Variants in ERI2 observed in about 807,000 individuals in gnomAD.
ERI2 encodes ERI1 exoribonuclease family member 2.
ERI2 carries 35 observed loss-of-function variants against 46.8 expected under a neutral mutation model. The observed-to-expected ratio is 0.75, with a 90% CI of 0.57 to 0.99. The LOEUF (loss-of-function observed/expected upper bound fraction) is 0.99, where lower values mean the gene tolerates loss of function less well. ERI2 is among the 50% of genes least tolerant of loss of function. The pLI is 0.00. For missense variants in ERI2, 695 were observed against 796.2 expected (o/e 0.87, Z 1.53); for synonymous variants, 224 against 271.0 (o/e 0.83, Z 1.70).
In ERI2 at chr16:20,798,620, C is replaced by T. The variant is rs1406584428; in HGVS notation, c.1180G>A (p.Glu394Lys). ...AAACAGTCCAGAGTAGAGCTCATTT[C>T]CAAATCAGAAACATGATGAACAGTT... Reference protein sequence around the residue: ...VPTVHHVSDLEMSSTLDCLPV... With the variant: ...VPTVHHVSDLKMSSTLDCLPV... The change falls in exon 9 of 9, where the codon GAA becomes AAA. Residue 394 changes from glutamate to lysine, a missense_variant. Glu to Lys is a moderately conservative substitution (Grantham distance 56, BLOSUM62 1). Transcript: ENST00000357967. 1 of 1,551,512 alleles carries T rather than the reference C, an allele frequency of 6.4e-7. No homozygotes were observed. The highest frequency in any genetic ancestry group is 8.7e-7 in the Non-Finnish European group (1 of 1,146,918).
At chr16:20,802,355 C>T (rs868615416) in intron 4 of ERI2, among the ~76,000 whole-genome samples, 2 of 151,764 alleles carry the variant, frequency 1.3e-5, no homozygotes, top group Non-Finnish European at 1.5e-5. Flanking sequence ...TAAATAAATA[C>T]ATAAATCGAG....
At position 20,780,668 on chromosome 16, in the gene ERI2, G is replaced by A. The variant is rs1247146185; in HGVS notation, c.961C>T (p.Gln321Ter). 3 of 1,614,080 alleles carry A rather than the reference G, an allele frequency of 1.9e-6. No individual in the cohort carries two copies. Among genetic ancestry groups the A allele is most frequent in the Non-Finnish European group, 2.5e-6 (3 of 1,180,038 alleles). Residue 321 changes from glutamine to a stop codon, truncating the protein, a stop_gained, in exon 11 of 11, where the codon CAG (glutamine) becomes TAG (stop). Coordinates refer to the ERI2 transcript ENST00000300005. LOFTEE classifies it low-confidence loss of function (END_TRUNC). The stretch of plus-strand genomic sequence containing the variant: ...CAAAATTTTTCAGTGGTAACAGTCT[G>A]TGATGCTGTGTTTAACATGCAGTCA...
intron 10 of ERI2, chr16:20,786,220 G>A (rs750464878): frequency 9.0e-6 from 14 of 1,557,240 alleles, no homozygotes; most frequent in East Asian, 4.8e-5. Context: ...CCTACCTACC[G>A]CTTACCCCCA....
In ERI2 at chr16:20,798,038, T is replaced by G. The variant is rs1190497719; in HGVS notation, c.1762A>C (p.Lys588Gln). 1 of 1,551,684 alleles carries G rather than the reference T, an allele frequency of 6.4e-7. No homozygotes were observed. Among genetic ancestry groups the G allele is most frequent in the Non-Finnish European group, 8.7e-7 (1 of 1,146,962 alleles). ...TSTVNLQEPWKSGKMTPPLCK... is the reference protein window; with the variant it reads ...TSTVNLQEPWQSGKMTPPLCK... ...AATGGAGGTGTCATTTTCCCACTCT[T>G]CCATGGCTCTTGTAGGTTAACTGTA... is the stretch of plus-strand genomic sequence containing the variant. The change falls in exon 9 of 9, where the codon AAG (lysine) becomes CAG (glutamine). Residue 588 changes from lysine to glutamine, a missense_variant. Transcript: ENST00000357967.
chr16:20,803,711 T>C (rs1364947354), intron 1 of ERI2, 41 bp from the exon 2 acceptor site: 1 of 1,601,110 alleles, frequency 6.2e-7, no homozygotes, highest in East Asian at 2.2e-5. Flanking sequence ...AATGAACTCA[T>C]TCACACTCCT....
At chr16:20,792,225 T>C, downstream of ERI2, 1 of 1,614,108 alleles carries the variant, frequency 6.2e-7, no homozygotes, top group East Asian at 2.2e-5. Flanking sequence ...TCCTGCCATA[T>C]GTGTTTCTAG....
At chr16:20,796,195 A>G, downstream of ERI2, 1 of 1,118,230 alleles carries the variant, frequency 8.9e-7, no homozygotes, top group Non-Finnish European at 1.2e-6. Flanking sequence ...GCTCTCCTGT[A>G]TTAGGTACAG....
chr16:20,799,688 T>C, intron 7 of ERI2: 1 of 471,370 alleles, frequency 2.1e-6, no homozygotes, highest in East Asian at 3.6e-5. Context: ...CATTCTATTA[T>C]TTGAGCACTT....
In ERI2 at chr16:20,789,623, C is replaced by T. The variant is rs552465018; in HGVS notation, c.816-66G>A. 590 of 1,112,686 alleles carry T rather than the reference C, an allele frequency of 5.3e-4. 10 individuals are homozygous for T. The South Asian group carries it at 7.3e-3, about 14-fold the overall frequency. The allele number at this position is 1,112,686 out of a possible 1,614,324, so 68.9% of individuals were successfully genotyped here. A position where few individuals can be genotyped will look rare whatever the true frequency, so the allele number is the denominator to read the frequency against. On this transcript the variant is annotated intron_variant, in intron 9 of 10. Coordinates refer to the ERI2 transcript ENST00000300005. ...ATCAAGAGGAAAAGATAATCAAGAC[C>T]TATTGCTAAATGATAAAAGCAGGTT...
chr16:20,806,102 T>C (rs1318697646), intron 1 of ERI2: 4 of 1,304,504 alleles, frequency 3.1e-6, no homozygotes, highest in Non-Finnish European at 3.9e-6. Flanking sequence ...TGCAGGGCAC[T>C]GTCACGTCCA....
rs943444575 is a variant in ERI2 at position 20,799,130 on chromosome 16, T to C, written c.733-63A>G. The C allele has an allele frequency of 1.2e-5, 18 of 1,483,924 alleles. No individual in the cohort carries two copies. In the African/African-American group the frequency reaches 2.4e-4, roughly 20 times the overall value. The allele number at this position is 1,483,924 out of a possible 1,614,324, so 91.9% of individuals were successfully genotyped here. ...TGTGCATTCGTTAATTTCTTCAGTA[T>C]ACAGTTTTATGACAAAAAAGAGAAA... On this transcript the variant is annotated intron_variant, in intron 8 of 8. Coordinates refer to ENST00000357967, the MANE Select transcript of ERI2 (RefSeq NM_001142725.2).
Position 20,797,730 on chromosome 16 carries a change from C to T in ERI2, c.2070G>A (p.Arg690=), listed in dbSNP as rs1436590278. ...KNSLRLRPSM[R]N is the part of the protein sequence containing the mutation. ...ATTCATACATGAAAGGTTATCAATT[C>T]CTCATTGAAGGCCTGAGTCTCAAAG... Residue 690 remains arginine, a synonymous_variant, in exon 9 of 9, where the codon AGG becomes AGA. Transcript: ENST00000357967. The T allele has an allele frequency of 6.5e-7, 1 of 1,540,848 alleles. No homozygotes were observed. The highest frequency in any genetic ancestry group is 8.8e-7 in the Non-Finnish European group (1 of 1,142,854).
Position 20,790,757 on chromosome 16 carries a change from C to T in ERI2, c.815+93G>A, listed in dbSNP as rs1219458385. On this transcript the variant is annotated intron_variant, in intron 9 of 10. Transcript: ENST00000300005. The surrounding 1 kb of genome is among the most constrained non-coding windows in gnomAD (Gnocchi z 4.0). Reference sequence around the variant, plus strand: ...AGTGCTTGGTAACAATCCCTGTTTGCCACAAAACATACCTAGGATAGGTAC... The same window carrying T: ...AGTGCTTGGTAACAATCCCTGTTTGTCACAAAACATACCTAGGATAGGTAC... 17 of 1,613,168 alleles carry T rather than the reference C, an allele frequency of 1.1e-5. No homozygotes were observed. Among genetic ancestry groups the T allele is most frequent in the Non-Finnish European group, 1.4e-5 (17 of 1,179,428 alleles).
exon 11 of ERI2, chr16:20,780,270 A>G: frequency 4.3e-6 from 1 of 229,936 alleles, no homozygotes; most frequent in South Asian, 6.1e-5. Flanking sequence ...GTGTTGGCCC[A>G]TCAGTACCCA....
At chr16:20,785,593 A>G (rs2080453953) in intron 10 of ERI2, among the ~76,000 whole-genome samples, 1 of 152,304 alleles carries the variant, frequency 6.6e-6, no homozygotes, top group Middle Eastern at 3.4e-3. Context: ...AAAAAATGAA[A>G]TAAGAACAAA....
chr16:20,803,412 C>T (rs957563661), intron 3 of ERI2, 21 bp downstream of exon 3: 3 of 1,607,058 alleles, frequency 1.9e-6, no homozygotes, highest in African/African-American at 1.3e-5. Context: ...CCAGCTTTGG[C>T]CATTCGTAGC....
intron 1 of ERI2, 118 bp downstream of exon 1, chr16:20,806,290 G>A (rs570041529): frequency 3.4e-6 from 5 of 1,463,608 alleles, no homozygotes; most frequent in African/African-American, 2.9e-5. Context: ...CGCAGACGCC[G>A]GGGCTGCGGG....
At chr16:20,793,314 C>T, downstream of ERI2, among the ~76,000 whole-genome samples, 1 of 151,936 alleles carries the variant, frequency 6.6e-6, no homozygotes, top group Non-Finnish European at 1.5e-5. Context: ...ACTAAAAATA[C>T]AAAAATTAGC....
At position 20,803,601 on chromosome 16, in the gene ERI2, A is replaced by T; in HGVS notation, c.91+2T>A. On this transcript the variant is annotated splice_donor_variant, in intron 2 of 8. Coordinates refer to ENST00000357967, the MANE Select transcript of ERI2 (RefSeq NM_001142725.2). LOFTEE classifies it high-confidence loss of function. ...TGCAAAGAAACTAAGCATACTACTC[A>T]CTGGATTTGCTTCTTCCGAGATTTC... The T allele has an allele frequency of 6.2e-7, 1 of 1,614,126 alleles. No individual in the cohort carries two copies. The highest frequency in any genetic ancestry group is 8.5e-7 in the Non-Finnish European group (1 of 1,179,994).
Sources: gnomAD v4.1 joint callset for allele counts (sites outside exome capture counted in the v4.1 genomes callset) on GRCh38, gnomAD v4.1.1 for gene constraint, Gnocchi (gnomAD v3.1) non-coding constraint, MANE v1.5 for transcripts, NCBI Gene and HGNC (gene_info 2026-07-23, HGNC 2026-07-21) for gene names.